The following MRPS27 variants were observed in gnomAD, a reference collection of about 807,000 sequenced individuals.
MRPS27 encodes small ribosomal subunit protein mS27.
A neutral mutation model predicts 48.9 loss-of-function variants in MRPS27; 43 were observed. The observed-to-expected ratio is 0.88, with a 90% CI of 0.69 to 1.13. The LOEUF is 1.13. Ranked by LOEUF, MRPS27 falls within the 50% of genes most tolerant of loss-of-function variation. The pLI, the probability that MRPS27 is intolerant of heterozygous loss-of-function variation, is 0.00. For missense variants in MRPS27, 467 were observed against 476.3 expected (o/e 0.98, Z 0.18); for synonymous variants, 188 against 171.9 (o/e 1.09, Z -0.73).
chr5:72,319,797 C>T (rs1383051150), intron 1 of MRPS27, among the ~76,000 whole-genome samples: 1 of 152,126 alleles, frequency 6.6e-6, no homozygotes, highest in Non-Finnish European at 1.5e-5. Flanking sequence ...GCCTCGCGTT[C>T]CCAAAGTGCT....
At chr5:72,309,869 C>G (rs1170313337) in intron 2 of MRPS27, among the ~76,000 whole-genome samples, 1 of 152,294 alleles carries the variant, frequency 6.6e-6, no homozygotes, top group East Asian at 1.9e-4. Context: ...ATTGGCCCTA[C>G]AGAGCATTTT....
intron 4 of MRPS27, among the ~76,000 whole-genome samples, chr5:72,249,612 G>A (rs2111980512): frequency 6.6e-6 from 1 of 152,124 alleles, no homozygotes; most frequent in Middle Eastern, 3.4e-3. Context: ...TTGAACCCGG[G>A]AGGCAGAGGT....
chr5:72,272,267 T>A (rs941483334), intron 4 of MRPS27, among the ~76,000 whole-genome samples: 3 of 152,182 alleles, frequency 2.0e-5, no homozygotes, highest in Non-Finnish European at 4.4e-5. Context: ...CTTAGAAAGG[T>A]CTACTTGCAA....
At chr5:72,227,554 T>C (rs887640482) in intron 8 of MRPS27, 2 of 152,216 alleles carry the variant, frequency 1.3e-5, no homozygotes, top group Non-Finnish European at 2.9e-5. Context: ...GATGCCTAAC[T>C]ACTTAAGAGA....
At chr5:72,262,286 T>C (rs1315647289) in intron 4 of MRPS27, among the ~76,000 whole-genome samples, 2 of 152,144 alleles carry the variant, frequency 1.3e-5, no homozygotes, top group Non-Finnish European at 2.9e-5. Flanking sequence ...CAGTAACATA[T>C]GATCATGTGG....
chr5:72,310,025 T>C (rs1184352033), intron 2 of MRPS27, among the ~76,000 whole-genome samples: 2 of 152,190 alleles, frequency 1.3e-5, no homozygotes, highest in African/African-American at 4.8e-5. Flanking sequence ...GAGCCAGGGC[T>C]GTCAGTATGG....
intron 2 of MRPS27, among the ~76,000 whole-genome samples, chr5:72,311,774 G>A (rs1750446176): frequency 6.6e-6 from 1 of 152,196 alleles, no homozygotes; most frequent in African/African-American, 2.4e-5. Flanking sequence ...TTCAGGTATT[G>A]TTATAAACAA....
intron 6 of MRPS27, 48 bp downstream of exon 6, chr5:72,234,071 T>C: frequency 1.0e-5 from 15 of 1,436,594 alleles, no homozygotes; most frequent in Non-Finnish European, 1.3e-5. Flanking sequence ...CACCTCCCTT[T>C]GGGAGCTGGA....
At chr5:72,240,441 TG>T (rs1296276187) in intron 4 of MRPS27, among the ~76,000 whole-genome samples, 1 of 149,954 alleles carries the variant, frequency 6.7e-6, no homozygotes, top group Non-Finnish European at 1.5e-5. Flanking sequence ...GTAATGACTT[TG>T]GGAAAAAAAT....
chr5:72,222,965 T>G (rs1203229131), intron 10 of MRPS27, among the ~76,000 whole-genome samples: 1 of 152,194 alleles, frequency 6.6e-6, no homozygotes, highest in Non-Finnish European at 1.5e-5. Flanking sequence ...ACAAAACAAG[T>G]GGGAAAGTTT....
intron 10 of MRPS27, 112 bp from the exon 11 acceptor site, chr5:72,221,260 T>G (rs1403167966): frequency 1.5e-6 from 2 of 1,337,714 alleles, no homozygotes; most frequent in Non-Finnish European, 2.0e-6. Flanking sequence ...AAAAGTTTGC[T>G]GACTCGTAGT....
At chr5:72,255,755 G>A (rs576664843) in intron 4 of MRPS27, among the ~76,000 whole-genome samples, 1 of 152,192 alleles carries the variant, frequency 6.6e-6, no homozygotes, top group Non-Finnish European at 1.5e-5. Context: ...AGATCCCACA[G>A]TTAATACTGA....
Position 72,234,106 on chromosome 5 carries a change from G to A in MRPS27, c.475+13C>T, listed in dbSNP as rs116040894. 1 of 1,495,282 alleles carries A rather than the reference G, an allele frequency of 6.7e-7. No homozygotes were observed. Among genetic ancestry groups the A allele is most frequent in the Admixed American group, 2.4e-5 (1 of 41,264 alleles). The allele number at this position is 1,495,282 out of a possible 1,614,324, so 92.6% of individuals were successfully genotyped here. On this transcript the variant is annotated intron_variant, in intron 6 of 10. Transcript: ENST00000261413. ...AAGCCCTATAAACACTGAATCTGGG[G>A]TTAGTTTCTTACCTTTGTAATTTTC...
At chr5:72,229,543 C>T (rs750965952) in intron 7 of MRPS27, 5 of 151,730 alleles carry the variant, frequency 3.3e-5, no homozygotes, top group Admixed American at 6.6e-5. Flanking sequence ...AAAGTAGGGC[C>T]GACAAATAAT....
chr5:72,257,713 T>C (rs1015104273), intron 4 of MRPS27, among the ~76,000 whole-genome samples: 1 of 152,150 alleles, frequency 6.6e-6, no homozygotes, highest in African/African-American at 2.4e-5. Flanking sequence ...ATTTTAAAAA[T>C]GGCTATCTCA....
intron 4 of MRPS27, chr5:72,241,584 G>A: frequency 2.1e-6 from 3 of 1,436,060 alleles, no homozygotes; most frequent in Non-Finnish European, 1.9e-6. Flanking sequence ...AAATAAATGT[G>A]GGGACTTTTC....
In MRPS27 at chr5:72,259,468, CAAAAAAAAAAA is replaced by C. The variant is rs11286212; in HGVS notation, c.282-21351_282-21341del. Among the ~76,000 whole-genome samples, 909 of 127,816 alleles carry C rather than the reference CAAAAAAAAAAA, an allele frequency of 7.1e-3. 8 individuals carry two copies. Among genetic ancestry groups the C allele is most frequent in the African/African-American group, 0.023 (826 of 35,478 alleles). 83.9% of individuals were successfully genotyped at this position (127,816 alleles called of 152,430 possible). On this transcript the variant is annotated intron_variant, in intron 4 of 10. Transcript: ENST00000261413. ...GGGCAACAAAAGTGAAACTTCGTCT[CAAAAAAAAAAA>C]AAAAAAAATCCAATTCCCTTAGTGG...
Position 72,298,127 on chromosome 5 carries a change from C to T in MRPS27, c.152-425G>A, listed in dbSNP as rs148040856. Among the ~76,000 whole-genome samples the T allele has an allele frequency of 5.3e-3, 814 of 152,258 alleles. 6 individuals carry two copies. Among genetic ancestry groups the T allele is most frequent in the Middle Eastern group, 0.014 (4 of 294 alleles). On this transcript the variant is annotated intron_variant, in intron 2 of 10. Transcript: ENST00000261413. ...AATGGGAGAAAATATTCACAAACTA[C>T]GCATCCGACAAAGGTCTAACACCCA...
At chr5:72,241,779 C>T (rs1748357308) in intron 4 of MRPS27, 3 of 1,230,874 alleles carry the variant, frequency 2.4e-6, no homozygotes, top group Admixed American at 2.0e-5. Flanking sequence ...TTCTCGCCTG[C>T]TCTGACCACC....
Sources: gnomAD v4.1 joint callset for allele counts (sites outside exome capture counted in the v4.1 genomes callset) on GRCh38, gnomAD v4.1.1 for gene constraint, MANE v1.5 for transcripts, NCBI Gene and HGNC (gene_info 2026-07-23, HGNC 2026-07-21) for gene names.